SP2: variants seen among roughly 807,000 people sequenced by gnomAD.
The protein encoded by SP2 is transcription factor Sp2.
SP2 carries 9 observed loss-of-function variants against 50.1 expected under a neutral mutation model. The observed-to-expected ratio is 0.18, with a 90% CI of 0.11 to 0.31. The LOEUF is 0.31. SP2 is among the 10% of genes least tolerant of loss of function. The probability of loss-of-function intolerance (pLI) is 1.00; values close to 1 mark genes in which losing one functional copy is unlikely to be tolerated. For missense variants in SP2, 581 were observed against 806.5 expected (o/e 0.72, Z 3.39); for synonymous variants, 313 against 326.6 (o/e 0.96, Z 0.45).
intron 3 of SP2, among the ~76,000 whole-genome samples, chr17:47,920,104 T>C (rs1189043606): frequency 1.3e-5 from 2 of 152,022 alleles, no homozygotes; most frequent in Admixed American, 1.3e-4. Context: ...TTTTGAAGGC[T>C]AAAGGTCAAC....
chr17:47,905,606 C>T (rs367888740), intron 1 of SP2, among the ~76,000 whole-genome samples: 3 of 152,184 alleles, frequency 2.0e-5, no homozygotes, highest in Non-Finnish European at 4.4e-5. Flanking sequence ...AAGGAACAGT[C>T]GAACAGCCTG....
rs778149536 is a variant in SP2, at chr17:47,925,375, C to T, written c.1575C>T (p.His525=). 26 of 1,613,842 alleles carry T rather than the reference C, an allele frequency of 1.6e-5. No homozygotes were observed. Among genetic ancestry groups the T allele is most frequent in the Middle Eastern group, 1.6e-4 (1 of 6,082 alleles). ...CTGGAGAGCAGGGCAAGAAGAAGCA[C>T]GTGTGCCACATCCCCGACTGTGGCA... ...KRSGEQGKKK[H]VCHIPDCGKT... The change falls in exon 6 of 7, where the codon CAC becomes CAT. Residue 525 remains histidine (H), a synonymous_variant. Transcript: ENST00000376741.
intron 1 of SP2, among the ~76,000 whole-genome samples, chr17:47,912,322 CAA>C (rs2035023565): frequency 6.6e-6 from 1 of 152,142 alleles, no homozygotes; most frequent in African/African-American, 2.4e-5. Context: ...GGTGTGTCTG[CAA>C]AGTCTCCCCT....
chr17:47,912,443 T>C (rs910155056), intron 1 of SP2, among the ~76,000 whole-genome samples: 6 of 129,586 alleles, frequency 4.6e-5, no homozygotes, highest in Non-Finnish European at 6.5e-5. Context: ...CCACTTCACC[T>C]TTTTTTTTTT....
chr17:47,926,023 T>A (rs1555560326), intron 6 of SP2, among the ~76,000 whole-genome samples: 1 of 149,078 alleles, frequency 6.7e-6, no homozygotes, highest in Non-Finnish European at 1.5e-5. Flanking sequence ...TTCAAGCAAT[T>A]CTCCTGCCTC....
At chr17:47,920,265 G>C (rs992719127) in intron 3 of SP2, among the ~76,000 whole-genome samples, 1 of 150,618 alleles carries the variant, frequency 6.6e-6, no homozygotes, top group African/African-American at 2.4e-5. Flanking sequence ...ACAGATACCC[G>C]CCTCTGCGCC....
downstream of SP2, among the ~76,000 whole-genome samples, chr17:47,931,313 C>T (rs941252935): frequency 1.3e-5 from 2 of 152,158 alleles, no homozygotes; most frequent in Non-Finnish European, 2.9e-5. Flanking sequence ...TGCCACTGCA[C>T]TCCAGCCTGG....
intron 1 of SP2, 183 bp downstream of exon 1, chr17:47,896,476 G>A (rs1320205803): frequency 2.1e-6 from 1 of 482,244 alleles, no homozygotes. Context: ...AGCGGGGCTG[G>A]CCAGCCGGGC....
chr17:47,922,850 A>G (rs2035511618), intron 3 of SP2, 112 bp from the exon 4 acceptor site: 4 of 884,792 alleles, frequency 4.5e-6, no homozygotes, highest in Non-Finnish European at 7.1e-6. Flanking sequence ...GGTGAATTGA[A>G]GAGACTTTTA....
At chr17:47,924,831 C>T (rs111794658) in intron 4 of SP2, 88 bp from the exon 5 acceptor site, 5 of 1,238,830 alleles carry the variant, frequency 4.0e-6, no homozygotes, top group African/African-American at 1.5e-5. Flanking sequence ...CTGTGATTAT[C>T]ATCTTTGTCA....
At chr17:47,904,158 G>A (rs1311568032) in intron 1 of SP2, among the ~76,000 whole-genome samples, 1 of 150,356 alleles carries the variant, frequency 6.7e-6, no homozygotes, top group African/African-American at 2.5e-5. Context: ...CCAGCTACTC[G>A]GGAGGCTGAG....
chr17:47,931,002 A>T (rs1405249628), downstream of SP2, among the ~76,000 whole-genome samples: 1 of 151,912 alleles, frequency 6.6e-6, no homozygotes, highest in Non-Finnish European at 1.5e-5. Context: ...AAACCAGCAA[A>T]TGGGTCTTCC....
intron 1 of SP2, among the ~76,000 whole-genome samples, chr17:47,911,684 T>A (rs1342666045): frequency 2.6e-5 from 4 of 151,614 alleles, no homozygotes; most frequent in Non-Finnish European, 5.9e-5. Flanking sequence ...CGGGCATCTG[T>A]AGTCCCACTA....
At chr17:47,917,806 C>T (rs1334738238) in intron 3 of SP2, 1 of 441,082 alleles carries the variant, frequency 2.3e-6, no homozygotes, top group Admixed American at 2.5e-5. Context: ...AACTGGGATG[C>T]TGAATTCAAC....
intron 1 of SP2, among the ~76,000 whole-genome samples, chr17:47,910,579 CA>C (rs1156455696): frequency 6.6e-6 from 1 of 152,010 alleles, no homozygotes; most frequent in Non-Finnish European, 1.5e-5. Flanking sequence ...CATGTAACTA[CA>C]AAAAAAGCCA....
intron 6 of SP2, among the ~76,000 whole-genome samples, chr17:47,926,687 G>A (rs1402031260): frequency 1.3e-5 from 2 of 152,082 alleles, no homozygotes; most frequent in Non-Finnish European, 2.9e-5. Flanking sequence ...CTCTTTGGGA[G>A]GCTGAGGCAG....
At chr17:47,912,584 A>G (rs1187067185) in intron 1 of SP2, among the ~76,000 whole-genome samples, 2 of 152,014 alleles carry the variant, frequency 1.3e-5, no homozygotes, top group Admixed American at 6.6e-5. Flanking sequence ...AACTGGGACC[A>G]TAGGCATGTG....
At position 47,923,127 on chromosome 17, in the gene SP2, G is replaced by C. The variant is rs2035524350; in HGVS notation, c.1225G>C (p.Glu409Gln). Reference sequence around the variant, plus strand: ...GCACTCAGCTGCAATTCTCCGAAAAGAGCGTCCCCTGCCAAAGATTGCCCC... The same window carrying C: ...GCACTCAGCTGCAATTCTCCGAAAACAGCGTCCCCTGCCAAAGATTGCCCC... Reference protein sequence around the residue: ...KKHSAAILRKERPLPKIAPAG... With the variant: ...KKHSAAILRKQRPLPKIAPAG... The change falls in exon 4 of 7, where the codon GAG becomes CAG. Residue 409 changes from glutamate (E) to glutamine (Q), a missense_variant. Transcript: ENST00000376741. 3 of 1,614,128 alleles carry C rather than the reference G, an allele frequency of 1.9e-6. No homozygotes were observed. Among genetic ancestry groups the C allele is most frequent in the Non-Finnish European group, 2.5e-6 (3 of 1,180,054 alleles).
intron 1 of SP2, among the ~76,000 whole-genome samples, chr17:47,897,138 A>T (rs1048566999): frequency 9.2e-5 from 14 of 151,906 alleles, no homozygotes; most frequent in African/African-American, 3.4e-4. Flanking sequence ...CAAAATAGAT[A>T]CTCGCTCTCT....
Sources: allele counts gnomAD v4.1 joint callset (sites outside exome capture counted in the v4.1 genomes callset), GRCh38; gene constraint gnomAD v4.1.1; transcripts MANE v1.5; gene names NCBI Gene and HGNC (gene_info 2026-07-23, HGNC 2026-07-21).